The following CFAP77 variants were observed in gnomAD, a reference collection of about 807,000 sequenced individuals.
CFAP77 encodes the protein cilia and flagella associated protein 77.
A neutral mutation model predicts 31.1 loss-of-function variants in CFAP77; 25 were observed. The ratio of observed to expected loss-of-function variants is 0.80; its 90% CI spans 0.59 to 1.12. The LOEUF is 1.12. CFAP77 is among the 50% of genes most tolerant of loss of function. The probability of loss-of-function intolerance (pLI) is 0.00; values close to 1 mark genes in which losing one functional copy is unlikely to be tolerated. For synonymous variants in CFAP77, 151 were observed against 159.9 expected, an observed-to-expected ratio of 0.94 and a Z score of 0.42; for missense variants, 377 against 397.3, an observed-to-expected ratio of 0.95 and a Z score of 0.44.
At chr9:132,421,345 G>A (rs1037499757) in intron 1 of CFAP77, among the ~76,000 whole-genome samples, 5 of 151,946 alleles carry the variant, frequency 3.3e-5, no homozygotes, top group African/African-American at 9.7e-5. Context: ...GAACTGAAGA[G>A]GTGGGGGCAG....
intron 1 of CFAP77, among the ~76,000 whole-genome samples, chr9:132,474,528 A>G (rs1851315128): frequency 6.6e-6 from 1 of 152,088 alleles, no homozygotes. Context: ...ATGTTCCAAG[A>G]CCTTTGAAGC....
intron 1 of CFAP77, among the ~76,000 whole-genome samples, chr9:132,432,618 G>A (rs1850430001): frequency 1.3e-5 from 2 of 151,180 alleles, no homozygotes; most frequent in Non-Finnish European, 2.9e-5. Flanking sequence ...TGCAAGCTCT[G>A]CCTCCCGGGT....
chr9:132,433,535 C>T (rs1001749737), intron 1 of CFAP77, among the ~76,000 whole-genome samples: 2 of 145,848 alleles, frequency 1.4e-5, no homozygotes, highest in East Asian at 4.0e-4. Context: ...CCTCTCCTCA[C>T]GTGGCTATTC....
intron 1 of CFAP77, among the ~76,000 whole-genome samples, chr9:132,479,361 C>G (rs113370331): frequency 2.0e-4 from 31 of 152,276 alleles, no homozygotes; most frequent in African/African-American, 7.5e-4. Flanking sequence ...ATCCTACCAT[C>G]GTGCATCCCA....
chr9:132,510,695 A>G (rs1852021459), intron 3 of CFAP77, among the ~76,000 whole-genome samples: 1 of 152,188 alleles, frequency 6.6e-6, no homozygotes, highest in Non-Finnish European at 1.5e-5. Context: ...CATCGTGTGG[A>G]GGAACAGTGA....
At chr9:132,453,835 G>A (rs974831339) in intron 1 of CFAP77, among the ~76,000 whole-genome samples, 1 of 152,186 alleles carries the variant, frequency 6.6e-6, no homozygotes, top group African/African-American at 2.4e-5. Flanking sequence ...GAGTACGTAA[G>A]AGCCATTTGC....
intron 1 of CFAP77, among the ~76,000 whole-genome samples, chr9:132,472,623 G>A (rs1020170535): frequency 8.5e-5 from 13 of 152,140 alleles, no homozygotes; most frequent in Admixed American, 7.2e-4. Context: ...AGCTGGGCGT[G>A]GTGCAGCCAT....
At chr9:132,444,046 G>T (rs1183697799) in intron 1 of CFAP77, among the ~76,000 whole-genome samples, 1 of 152,256 alleles carries the variant, frequency 6.6e-6, no homozygotes, top group Non-Finnish European at 1.5e-5. Context: ...CAGGCTTCCA[G>T]ACATGCCCAA....
In CFAP77 at chr9:132,469,564, C is replaced by T. The variant is rs986313424; in HGVS notation, c.196-29131C>T. On this transcript the variant is annotated intron_variant, in intron 1 of 5. Transcript: ENST00000393216. ...AGGCGAGGGGACATAGAGGCACATCCGTGCTTCCCAGAAAAGGGGAGTTAT... is the reference window on the plus strand; with the variant it reads ...AGGCGAGGGGACATAGAGGCACATCTGTGCTTCCCAGAAAAGGGGAGTTAT... 5.3e-5 allele frequency among the ~76,000 whole-genome samples: 8 copies of T among 152,140 alleles called. No homozygotes were observed. In the East Asian group the frequency reaches 5.8e-4, roughly 11 times the overall value.
chr9:132,422,097 C>T (rs1850226065), intron 1 of CFAP77, among the ~76,000 whole-genome samples: 1 of 152,092 alleles, frequency 6.6e-6, no homozygotes. Flanking sequence ...CAACCTCCGC[C>T]ACCCAGGTTC....
intron 1 of CFAP77, among the ~76,000 whole-genome samples, chr9:132,448,912 C>T (rs996716842): frequency 3.3e-5 from 5 of 152,092 alleles, no homozygotes; most frequent in South Asian, 4.2e-4. Flanking sequence ...TATGAGCAGT[C>T]GGGGAGTGGA....
In CFAP77 at chr9:132,480,676, G is replaced by T. The variant is rs1851429010; in HGVS notation, c.196-18019G>T. ...AAATAGGTGACATCCTGTGGCTGGG[G>T]TTTCTCACGGAGGCTACAGAGTCCG... is the stretch of plus-strand genomic sequence containing the variant. On this transcript the variant is annotated intron_variant, in intron 1 of 5. Coordinates refer to ENST00000393216, the MANE Select transcript of CFAP77 (RefSeq NM_001282957.2). This position sits in a 1 kb window ranked among gnomAD's most constrained non-coding sequence, Gnocchi z 5.8. 6.6e-6 allele frequency among the ~76,000 whole-genome samples: 1 copy of T among 152,228 alleles called. No homozygotes were observed. Among genetic ancestry groups the T allele is most frequent in the African/African-American group, 2.4e-5 (1 of 41,464 alleles).
At position 132,511,753 on chromosome 9, in the gene CFAP77, G is replaced by T. The variant is rs1481751373; in HGVS notation, c.524+12153G>T. 3.9e-5 allele frequency among the ~76,000 whole-genome samples: 6 copies of T among 152,172 alleles called. No individual in the cohort carries two copies. Among genetic ancestry groups the T allele is most frequent in the Admixed American group, 3.9e-4 (6 of 15,284 alleles). ...GAAACAAATTACCACACGTTCAATG[G>T]CTTAAAATAACAAAAATGAAGCGGC... On this transcript the variant is annotated intron_variant, in intron 3 of 5. Coordinates refer to ENST00000393216, the MANE Select transcript of CFAP77 (RefSeq NM_001282957.2). This position sits in a 1 kb window ranked among gnomAD's most constrained non-coding sequence, Gnocchi z 5.8.
In CFAP77 at chr9:132,572,595, T is replaced by G; in HGVS notation, c.*85T>G. 5 of 1,300,616 alleles carry G rather than the reference T, an allele frequency of 3.8e-6. No homozygotes were observed. Among genetic ancestry groups the G allele is most frequent in the Non-Finnish European group, 5.2e-6 (5 of 958,442 alleles). The allele number at this position is 1,300,616 out of a possible 1,614,324, so 80.6% of individuals were successfully genotyped here. On this transcript the variant is annotated 3_prime_UTR_variant, in exon 6 of 6. Transcript: ENST00000393216. ...TCCCTATCTTGCCCCAACCCTGACATTCCCCCATTTTTATGCAGGTTCTGC... is the reference window on the plus strand; with the variant it reads ...TCCCTATCTTGCCCCAACCCTGACAGTCCCCCATTTTTATGCAGGTTCTGC...
chr9:132,525,388 A>T (rs1852340673), intron 3 of CFAP77, among the ~76,000 whole-genome samples: 1 of 152,174 alleles, frequency 6.6e-6, no homozygotes, highest in South Asian at 2.1e-4. Context: ...TTCCACTAGC[A>T]TGCTTGATTG....
At chr9:132,412,301 C>G (rs367620941) in intron 1 of CFAP77, among the ~76,000 whole-genome samples, 1 of 152,182 alleles carries the variant, frequency 6.6e-6, no homozygotes, top group East Asian at 1.9e-4. Context: ...GATGATGGAG[C>G]CTGGGGTTCT....
intron 1 of CFAP77, among the ~76,000 whole-genome samples, chr9:132,460,694 G>A (rs145065860): frequency 6.6e-6 from 1 of 152,098 alleles, no homozygotes; most frequent in African/African-American, 2.4e-5. Flanking sequence ...CTAGATAGAG[G>A]TGATGGTTGT....
chr9:132,431,549 C>T (rs1383133143), intron 1 of CFAP77, among the ~76,000 whole-genome samples: 1 of 152,122 alleles, frequency 6.6e-6, no homozygotes, highest in African/African-American at 2.4e-5. Flanking sequence ...AAGTAACCCA[C>T]AGGAATCTAG....
chr9:132,516,880 C>T (rs1207558397), intron 3 of CFAP77, among the ~76,000 whole-genome samples: 1 of 152,076 alleles, frequency 6.6e-6, no homozygotes, highest in African/African-American at 2.4e-5. Context: ...AGAAAAAAAC[C>T]ACGGTGAAAC....
Sources: allele counts gnomAD v4.1 joint callset (sites outside exome capture counted in the v4.1 genomes callset), GRCh38; gene constraint gnomAD v4.1.1; non-coding constraint Gnocchi (gnomAD v3.1); transcripts MANE v1.5; gene names NCBI Gene and HGNC (gene_info 2026-07-23, HGNC 2026-07-21).